MAP3K9: variants seen among roughly 807,000 people sequenced by gnomAD.
The protein encoded by MAP3K9 is mitogen-activated protein kinase kinase kinase 9.
MAP3K9 carries 46 observed loss-of-function variants against 95.8 expected under a neutral mutation model. That is an observed-to-expected ratio of 0.48 (90% confidence interval 0.38 to 0.61). MAP3K9 has a LOEUF of 0.61. Ranked by LOEUF, MAP3K9 falls within the 20% of genes least tolerant of loss-of-function variation. The pLI is 0.00. For missense variants in MAP3K9, 1,296 were observed against 1,474.3 expected (o/e 0.88, Z 1.98); for synonymous variants, 533 against 593.8 (o/e 0.90, Z 1.49).
chr14:70,796,363 T>C (rs2054864106), intron 2 of MAP3K9, among the ~76,000 whole-genome samples: 1 of 152,154 alleles, frequency 6.6e-6, no homozygotes, highest in Non-Finnish European at 1.5e-5. Flanking sequence ...AAGCCAGGGG[T>C]CTGAGCCACA....
rs397840789 is a variant in MAP3K9, at chr14:70,809,056, G to GCCTCCT, written c.110_115dup (p.Glu37_Glu38dup). 59 of 1,422,756 alleles carry GCCTCCT rather than the reference G, an allele frequency of 4.1e-5. No individual in the cohort carries two copies. Among genetic ancestry groups the GCCTCCT allele is most frequent in the East Asian group, 3.5e-4 (12 of 34,722 alleles). 88.1% of individuals were successfully genotyped at this position (1,422,756 alleles called of 1,614,324 possible). On this transcript the variant is annotated inframe_insertion, in exon 1 of 12. Transcript: ENST00000554752. ...CTCCCCGGGGCCCACCGCCGCCGCC[G>GCCTCCT]CCTCCTCCTCCTCCTCCTCCTCCTC... is the stretch of plus-strand genomic sequence containing the variant.
intron 2 of MAP3K9, among the ~76,000 whole-genome samples, chr14:70,794,852 T>C (rs1207152879): frequency 6.6e-6 from 1 of 151,502 alleles, no homozygotes; most frequent in Non-Finnish European, 1.5e-5. Flanking sequence ...TAGCTTTTTG[T>C]ATTTTTAGTA....
intron 2 of MAP3K9, among the ~76,000 whole-genome samples, chr14:70,773,461 G>A (rs900644762): frequency 7.9e-5 from 12 of 152,148 alleles, no homozygotes; most frequent in African/African-American, 2.7e-4. Context: ...ACTGCTAGTC[G>A]CCCTTCAGTG....
intron 2 of MAP3K9, among the ~76,000 whole-genome samples, chr14:70,771,210 A>G (rs979384984): frequency 6.6e-6 from 1 of 152,118 alleles, no homozygotes; most frequent in African/African-American, 2.4e-5. Flanking sequence ...ACTGGGTTTC[A>G]GGAGGGAGTA....
intron 2 of MAP3K9, among the ~76,000 whole-genome samples, chr14:70,778,672 G>A (rs957892157): frequency 2.5e-4 from 38 of 152,196 alleles, no homozygotes. Flanking sequence ...CAGGCACCAT[G>A]CTAAGCATTT....
chr14:70,805,405 A>C (rs933892148), intron 1 of MAP3K9, among the ~76,000 whole-genome samples: 4 of 152,110 alleles, frequency 2.6e-5, no homozygotes, highest in Non-Finnish European at 5.9e-5. Flanking sequence ...GCATCTCCCA[A>C]GATAATGAGT....
chr14:70,800,530 C>T lies in MAP3K9; in HGVS notation c.820+137G>A, dbSNP rs149243832. On this transcript the variant is annotated intron_variant, in intron 2 of 11. Transcript: ENST00000554752. ...GGCACTCATCTCACCTCCTACATCT[C>T]CATTCAAGGATGGAATGTGTTTAAG... 1.9e-5 allele frequency: 16 copies of T among 862,196 alleles called. No individual in the cohort carries two copies. In the East Asian group the frequency reaches 3.4e-4, roughly 18 times the overall value. 53.4% of individuals were successfully genotyped at this position (862,196 alleles called of 1,614,324 possible).
At position 70,730,497 on chromosome 14, in the gene MAP3K9, C is replaced by A. The variant is rs2053881437; in HGVS notation, c.3198G>T (p.Thr1066=). ...QAGPLPPTER[T]LLDLDAEGQS... ...GCCCCTCTGCATCCAGGTCCAGGAG[C>A]GTCCGCTCAGTCGGGGGCAGCGGCC... is the stretch of plus-strand genomic sequence containing the variant. The change falls in exon 12 of 12, where the codon ACG becomes ACT. Residue 1066 remains threonine, a synonymous_variant. Coordinates refer to ENST00000554752, the MANE Select transcript of MAP3K9 (RefSeq NM_001284230.2). 2 of 1,614,090 alleles carry A rather than the reference C, an allele frequency of 1.2e-6. No homozygotes were observed. The highest frequency in any genetic ancestry group is 1.7e-6 in the Non-Finnish European group (2 of 1,180,036).
intron 2 of MAP3K9, among the ~76,000 whole-genome samples, chr14:70,796,519 C>G (rs61990520): frequency 0.3 from 45,528 of 152,040 alleles, 7,343 homozygotes; most frequent in South Asian, 0.41. Flanking sequence ...TCCTTGATAA[C>G]AGATCCTGAT....
chr14:70,751,301 G>A (rs1406233378), intron 3 of MAP3K9, among the ~76,000 whole-genome samples: 1 of 152,188 alleles, frequency 6.6e-6, no homozygotes, highest in Non-Finnish European at 1.5e-5. Context: ...GAATAAGTCA[G>A]GACAAGAAAC....
chr14:70,780,090 C>G (rs2054654048), intron 2 of MAP3K9, among the ~76,000 whole-genome samples: 1 of 152,222 alleles, frequency 6.6e-6, no homozygotes, highest in Admixed American at 6.5e-5. Flanking sequence ...TCCCAAACAA[C>G]TCTGGCTGGC....
At chr14:70,761,278 T>C in intron 2 of MAP3K9, 96 bp from the exon 3 acceptor site, 1 of 1,016,646 alleles carries the variant, frequency 9.8e-7, no homozygotes, top group Non-Finnish European at 1.4e-6. Context: ...TGGCCTCTCC[T>C]GTGGGCTCCA....
intron 2 of MAP3K9, among the ~76,000 whole-genome samples, chr14:70,789,938 G>C (rs1032787641): frequency 1.3e-5 from 2 of 152,166 alleles, no homozygotes; most frequent in Non-Finnish European, 2.9e-5. Flanking sequence ...GCCCCACCTG[G>C]AAAAGCCCTA....
intron 1 of MAP3K9, among the ~76,000 whole-genome samples, chr14:70,807,690 C>G (rs180839430): frequency 1.3e-5 from 2 of 151,916 alleles, no homozygotes; most frequent in East Asian, 3.8e-4. Context: ...ATTAACAATA[C>G]CTTTTTAACA....
At chr14:70,801,310 G>GA (rs1189093107) in intron 1 of MAP3K9, among the ~76,000 whole-genome samples, 24 of 151,980 alleles carry the variant, frequency 1.6e-4, no homozygotes, top group African/African-American at 4.3e-4. Context: ...AAACATTCAT[G>GA]AAAAAAAATC....
Position 70,808,989 on chromosome 14 carries a change from G to A in MAP3K9, c.183C>T (p.Phe61=), listed in dbSNP as rs778812776. The A allele has an allele frequency of 2.6e-6, 4 of 1,556,330 alleles. No homozygotes were observed. The highest frequency in any genetic ancestry group is 1.4e-5 in the African/African-American group (1 of 72,722). Residue 61 remains phenylalanine (F), a synonymous_variant, in exon 1 of 12, where the codon TTC becomes TTT. Coordinates refer to ENST00000554752, the MANE Select transcript of MAP3K9 (RefSeq NM_001284230.2). ...DAPLPYWTAV[F]EYEAAGEDEL... is the part of the protein sequence containing the mutation. ...CGTCCTCGCCCGCCGCCTCGTACTC[G>A]AACACGGCCGTCCAGTAGGGCAGCG...
Position 70,748,537 on chromosome 14 carries a change from T to C in MAP3K9, c.1326+292A>G, listed in dbSNP as rs542311595. Among the ~76,000 whole-genome samples, 7 of 152,328 alleles carry C rather than the reference T, an allele frequency of 4.6e-5. No individual in the cohort carries two copies. In the South Asian group the frequency reaches 8.3e-4, roughly 18 times the overall value. ...AAATTAACCTTCTTCTAGAAGTCTA[T>C]TGTAGAATCAAGAAACATTTCCAGA... is the stretch of plus-strand genomic sequence containing the variant. On this transcript the variant is annotated intron_variant, in intron 5 of 11. Transcript: ENST00000554752.
In MAP3K9 at chr14:70,809,053, GCCGCCTCCT is replaced by G. The variant is rs2055034740; in HGVS notation, c.110_118del (p.Glu37_Ala39del). 2 of 1,457,354 alleles carry G rather than the reference GCCGCCTCCT, an allele frequency of 1.4e-6. No homozygotes were observed. Among genetic ancestry groups the G allele is most frequent in the Non-Finnish European group, 1.8e-6 (2 of 1,110,708 alleles). 90.3% of individuals were successfully genotyped at this position (1,457,354 alleles called of 1,614,324 possible). A position where few individuals can be genotyped will look rare whatever the true frequency, so the allele number is the denominator to read the frequency against. On this transcript the variant is annotated inframe_deletion, in exon 1 of 12. Coordinates refer to ENST00000554752, the MANE Select transcript of MAP3K9 (RefSeq NM_001284230.2). The stretch of plus-strand genomic sequence containing the variant: ...CAGCTCCCCGGGGCCCACCGCCGCC[GCCGCCTCCT>G]CCTCCTCCTCCTCCTCCTCCTCGGC...
At chr14:70,784,706 A>G (rs1265594500) in intron 2 of MAP3K9, among the ~76,000 whole-genome samples, 2 of 152,206 alleles carry the variant, frequency 1.3e-5, no homozygotes, top group African/African-American at 4.8e-5. Flanking sequence ...TGGGAGACAG[A>G]GTGAGTGAGA....
Sources: gnomAD v4.1 joint callset for allele counts (sites outside exome capture counted in the v4.1 genomes callset) on GRCh38, gnomAD v4.1.1 for gene constraint, MANE v1.5 for transcripts, NCBI Gene and HGNC (gene_info 2026-07-23, HGNC 2026-07-21) for gene names.